The following ROBO2 variants were observed in gnomAD, a reference collection of about 807,000 sequenced individuals.
ROBO2 encodes the protein roundabout homolog 2.
In ROBO2, 53 loss-of-function variants were observed where a neutral mutation model predicts 160.8. That is an observed-to-expected ratio of 0.33 (90% confidence interval 0.26 to 0.41). The LOEUF (loss-of-function observed/expected upper bound fraction) is 0.41, where lower values mean the gene tolerates loss of function less well. Ranked by LOEUF, ROBO2 falls within the 10% of genes least tolerant of loss-of-function variation. The pLI is 1.00. For missense variants in ROBO2, 1,577 were observed against 1,722.4 expected, an observed-to-expected ratio of 0.92 and a Z score of 1.49; for synonymous variants, 664 against 611.7, an observed-to-expected ratio of 1.09 and a Z score of -1.26.
chr3:76,434,027 A>G lies in ROBO2; in HGVS notation c.109+496425A>G, dbSNP rs878874261. The G allele has an allele frequency of 3.8e-5, 46 of 1,212,558 alleles. No homozygotes were observed. In the South Asian group the frequency reaches 4.8e-4, roughly 13 times the overall value. 75.1% of individuals were successfully genotyped at this position (1,212,558 alleles called of 1,614,324 possible). On this transcript the variant is annotated intron_variant, in intron 2 of 26. Coordinates refer to the ROBO2 transcript ENST00000487694. ...TCTGAGGTGGTTCATTATGGCTGAC[A>G]TGCAAAATCTGGTAGAAAGACTGGA... is the stretch of plus-strand genomic sequence containing the variant.
At chr3:76,441,624 T>A (rs2076929577) in intron 2 of ROBO2, among the ~76,000 whole-genome samples, 1 of 152,198 alleles carries the variant, frequency 6.6e-6, no homozygotes, top group Admixed American at 6.5e-5. Context: ...GTTCATTCCA[T>A]CAGCAGTTGA....
chr3:77,011,086 T>TTTCTTTCTTTCTTTCC (rs1491448134), intron 2 of ROBO2, among the ~76,000 whole-genome samples: 1 of 79,138 alleles, frequency 1.3e-5, no homozygotes, highest in African/African-American at 3.9e-5. Flanking sequence ...TCTTTCTTTC[T>TTTCTTTCTTTCTTTCC]TTTTCTTTCT....
intron 2 of ROBO2, among the ~76,000 whole-genome samples, chr3:76,648,324 G>A (rs894187974): frequency 1.1e-4 from 16 of 151,984 alleles, no homozygotes; most frequent in Admixed American, 1.0e-3. Flanking sequence ...AAAATTTGAA[G>A]TAAGATGTTA....
intron 2 of ROBO2, among the ~76,000 whole-genome samples, chr3:77,178,337 C>G (rs1473361924): frequency 6.6e-6 from 1 of 152,142 alleles, no homozygotes; most frequent in East Asian, 1.9e-4. Context: ...TCAAATCTCT[C>G]TCAAATCTCT....
chr3:76,147,878 T>C (rs1341217867), intron 2 of ROBO2, among the ~76,000 whole-genome samples: 1 of 152,026 alleles, frequency 6.6e-6, no homozygotes, highest in African/African-American at 2.4e-5. Flanking sequence ...ACATCAGTAG[T>C]TTCACTGGTA....
chr3:77,017,631 A>T (rs1055405078), intron 2 of ROBO2, among the ~76,000 whole-genome samples: 1 of 152,228 alleles, frequency 6.6e-6, no homozygotes, highest in Non-Finnish European at 1.5e-5. Context: ...GGCAAAATTA[A>T]AAATAAGACA....
intron 5 of ROBO2, among the ~76,000 whole-genome samples, chr3:77,497,620 G>A (rs2153604197): frequency 6.6e-6 from 1 of 152,102 alleles, no homozygotes; most frequent in Admixed American, 6.5e-5. Flanking sequence ...TATTTTCTTG[G>A]GTACTGTCTG....
At chr3:77,020,092 T>G (rs925513381) in intron 2 of ROBO2, among the ~76,000 whole-genome samples, 2 of 152,208 alleles carry the variant, frequency 1.3e-5, no homozygotes, top group African/African-American at 4.8e-5. Flanking sequence ...TTTTTAAAAC[T>G]ATTAAAAGGG....
intron 2 of ROBO2, among the ~76,000 whole-genome samples, chr3:76,051,714 A>G (rs1478762446): frequency 2.0e-5 from 3 of 152,154 alleles, no homozygotes; most frequent in Admixed American, 6.6e-5. Context: ...AGGTTCACGT[A>G]TACTACATAT....
intron 2 of ROBO2, among the ~76,000 whole-genome samples, chr3:76,562,146 G>A (rs2084218965): frequency 6.6e-6 from 1 of 151,498 alleles, no homozygotes; most frequent in Non-Finnish European, 1.5e-5. Context: ...CACATTTCCA[G>A]TTCTAGATTC....
chr3:77,051,038 A>C (rs919962095), intron 1 of ROBO2, among the ~76,000 whole-genome samples: 9 of 148,946 alleles, frequency 6.0e-5, no homozygotes, highest in African/African-American at 2.0e-4. Context: ...AAAAAAATTC[A>C]TCAAATGGGC....
chr3:76,472,562 T>C (rs376100283), intron 2 of ROBO2, among the ~76,000 whole-genome samples: 28 of 152,290 alleles, frequency 1.8e-4, no homozygotes, highest in African/African-American at 6.3e-4. Flanking sequence ...AGGTAGCATA[T>C]GTCAATTGCT....
chr3:76,094,123 C>T (rs1311187290), intron 2 of ROBO2, among the ~76,000 whole-genome samples: 1 of 151,696 alleles, frequency 6.6e-6, no homozygotes, highest in Admixed American at 6.6e-5. Context: ...ATCTCGAGTG[C>T]ACACTCGCAC....
At chr3:76,538,993 A>C (rs1051012617) in intron 2 of ROBO2, among the ~76,000 whole-genome samples, 1 of 152,182 alleles carries the variant, frequency 6.6e-6, no homozygotes, top group African/African-American at 2.4e-5. Flanking sequence ...GCACATATAC[A>C]CCATGGAATA....
intron 2 of ROBO2, among the ~76,000 whole-genome samples, chr3:77,211,381 T>G (rs2084132435): frequency 6.6e-6 from 1 of 152,248 alleles, no homozygotes; most frequent in Non-Finnish European, 1.5e-5. Context: ...GCTGCATAAA[T>G]GTCTTCTTTT....
At chr3:76,081,839 C>CACAA (rs1191552730) in intron 2 of ROBO2, among the ~76,000 whole-genome samples, 2 of 149,264 alleles carry the variant, frequency 1.3e-5, no homozygotes, top group African/African-American at 4.9e-5. Context: ...TAAATACATA[C>CACAA]ACACACACAC....
At chr3:76,854,135 G>T (rs1223549348) in intron 2 of ROBO2, among the ~76,000 whole-genome samples, 2 of 137,498 alleles carry the variant, frequency 1.5e-5, no homozygotes, top group African/African-American at 2.7e-5. Context: ...TTTGTGCCTT[G>T]CTTTTTAAAT....
intron 2 of ROBO2, among the ~76,000 whole-genome samples, chr3:76,523,809 G>A (rs2081775841): frequency 6.6e-6 from 1 of 152,090 alleles, no homozygotes. Context: ...AGTTATTAGG[G>A]AAGAGGCTGA....
chr3:76,592,998 T>A (rs891030389), intron 2 of ROBO2, among the ~76,000 whole-genome samples: 3 of 152,104 alleles, frequency 2.0e-5, no homozygotes, highest in African/African-American at 7.2e-5. Flanking sequence ...CCAGGCACTG[T>A]TTGAAAGAGC....
Sources: gnomAD v4.1 joint callset for allele counts (sites outside exome capture counted in the v4.1 genomes callset) on GRCh38, gnomAD v4.1.1 for gene constraint, MANE v1.5 for transcripts, NCBI Gene and HGNC (gene_info 2026-07-23, HGNC 2026-07-21) for gene names.